UBR1: variants seen among roughly 807,000 people sequenced by gnomAD.
UBR1 encodes the protein ubiquitin protein ligase E3 component n-recognin 1, also known as E3 ubiquitin-protein ligase UBR1.
UBR1 carries 102 observed loss-of-function variants against 242.1 expected under a neutral mutation model. The ratio of observed to expected loss-of-function variants is 0.42; its 90% CI spans 0.36 to 0.50. The LOEUF (loss-of-function observed/expected upper bound fraction) is 0.50. UBR1 is among the 20% of genes least tolerant of loss of function. The probability of loss-of-function intolerance (pLI) is 0.01; values close to 1 mark genes in which losing one functional copy is unlikely to be tolerated. For missense variants in UBR1, 1,772 were observed against 2,101.8 expected, an observed-to-expected ratio of 0.84 and a Z score of 3.07; for synonymous variants, 675 against 684.8, an observed-to-expected ratio of 0.99 and a Z score of 0.22.
intron 14 of UBR1, among the ~76,000 whole-genome samples, chr15:43,044,508 T>TA (rs2033459375): frequency 1.3e-5 from 2 of 152,196 alleles, no homozygotes; most frequent in Non-Finnish European, 2.9e-5. Context: ...GTTTCTAATT[T>TA]AATCTTGAAA....
chr15:42,985,610 T>C (rs2032445742), intron 35 of UBR1, among the ~76,000 whole-genome samples: 1 of 151,962 alleles, frequency 6.6e-6, no homozygotes, highest in Non-Finnish European at 1.5e-5. Context: ...ACCTCAGCCT[T>C]CCAAAGTGCT....
At chr15:43,083,304 T>C (rs1273782725) in intron 2 of UBR1, among the ~76,000 whole-genome samples, 1 of 152,246 alleles carries the variant, frequency 6.6e-6, no homozygotes, top group Admixed American at 6.5e-5. Context: ...ACTTCTTAAA[T>C]GCATTGTTTT....
intron 6 of UBR1, among the ~76,000 whole-genome samples, chr15:43,062,891 T>C (rs1025160791): frequency 2.0e-5 from 3 of 151,994 alleles, no homozygotes; most frequent in Non-Finnish European, 4.4e-5. Flanking sequence ...TGGGCTGGCA[T>C]GTCTACTCTG....
intron 41 of UBR1, among the ~76,000 whole-genome samples, chr15:42,964,864 A>G (rs1218391473): frequency 1.3e-5 from 2 of 152,228 alleles, no homozygotes; most frequent in Admixed American, 1.3e-4. Context: ...ACAGAGAAGC[A>G]TTCTATGAAA....
intron 42 of UBR1, 116 bp downstream of exon 42, chr15:42,963,819 T>C (rs567039670): frequency 1.7e-4 from 129 of 775,752 alleles, no homozygotes; most frequent in Non-Finnish European, 2.4e-4. Context: ...GAATCTCCTA[T>C]ACTTTTGCCA....
chr15:43,046,531 T>C (rs766084522), intron 14 of UBR1, among the ~76,000 whole-genome samples: 1 of 152,080 alleles, frequency 6.6e-6, no homozygotes, highest in African/African-American at 2.4e-5. Context: ...GTAGAGTCAT[T>C]AGACTTAGAA....
intron 3 of UBR1, among the ~76,000 whole-genome samples, chr15:43,077,126 C>G (rs1247196453): frequency 7.2e-6 from 1 of 138,134 alleles, no homozygotes. Flanking sequence ...CCCCTCTGCC[C>G]GGCCACGACC....
At chr15:42,956,651 A>T (rs1407164259) in intron 44 of UBR1, among the ~76,000 whole-genome samples, 1 of 152,190 alleles carries the variant, frequency 6.6e-6, no homozygotes, top group East Asian at 1.9e-4. Context: ...GGAACTCTGG[A>T]GCCTGGTGAA....
intron 44 of UBR1, among the ~76,000 whole-genome samples, chr15:42,957,640 A>G (rs187593617): frequency 3.3e-5 from 5 of 152,294 alleles, no homozygotes; most frequent in East Asian, 1.9e-4. Flanking sequence ...TGGGAGGCCA[A>G]TGGGTAGGAG....
At chr15:42,973,073 C>T (rs1223460372) in intron 39 of UBR1, among the ~76,000 whole-genome samples, 1 of 152,198 alleles carries the variant, frequency 6.6e-6, no homozygotes, top group Non-Finnish European at 1.5e-5. Context: ...ATTGTTTTAA[C>T]TTGCAATTCC....
chr15:43,032,624 A>G lies in UBR1; in HGVS notation c.2198T>C (p.Ile733Thr). 6.6e-7 allele frequency: 1 copy of G among 1,514,272 alleles called. No homozygotes were observed. Among genetic ancestry groups the G allele is most frequent in the East Asian group, 2.3e-5 (1 of 43,976 alleles). The allele number at this position is 1,514,272 out of a possible 1,614,324, so 93.8% of individuals were successfully genotyped here. The change falls in exon 20 of 47, where the codon ATT becomes ACT. Residue 733 changes from isoleucine (I) to threonine (T), a missense_variant. Physicochemically the swap from Ile to Thr is moderately conservative, Grantham distance 89 (BLOSUM62 -1). Transcript: ENST00000290650. ...TTCTATTAGTGTATTATATTGTTTA[A>G]TCAAATCCTATAGAATCGAAAAAGA... ...KTISTKDQDL[I>T]KQYNTLIEEM...
intron 15 of UBR1, among the ~76,000 whole-genome samples, chr15:43,041,352 C>A (rs2033415116): frequency 6.6e-6 from 1 of 152,024 alleles, no homozygotes; most frequent in Non-Finnish European, 1.5e-5. Flanking sequence ...GACAAAAAAC[C>A]AAACACTGCA....
chr15:43,070,067 A>C (rs868214636), intron 5 of UBR1, among the ~76,000 whole-genome samples: 1 of 152,132 alleles, frequency 6.6e-6, no homozygotes, highest in Non-Finnish European at 1.5e-5. Context: ...TCAAAGAATG[A>C]CTATTTAGAT....
chr15:43,015,863 G>A lies in UBR1; in HGVS notation c.3034C>T (p.His1012Tyr), dbSNP rs2033016441. The change falls in exon 29 of 47, where the codon CAT (histidine) becomes TAT (tyrosine). Residue 1012 changes from histidine to tyrosine, a missense_variant. His to Tyr is a moderately conservative substitution (Grantham distance 83). Around this residue, in one of 3 missense-constraint regions of UBR1, gnomAD observed 965 missense variants for 1,079.7 expected, o/e 0.89. Transcript: ENST00000290650. ...TTTCGTTCTGCTTTTTCTTTATCATGAGTAATCTGGGTATTAAGAAATGAC... is the reference window on the plus strand; with the variant it reads ...TTTCGTTCTGCTTTTTCTTTATCATAAGTAATCTGGGTATTAAGAAATGAC... ...SESIKNDEIT[H>Y]DKEKAERKRK... is the part of the protein sequence containing the mutation. 3 of 1,613,616 alleles carry A rather than the reference G, an allele frequency of 1.9e-6. No individual in the cohort carries two copies. The highest frequency in any genetic ancestry group is 2.5e-6 in the Non-Finnish European group (3 of 1,179,944).
chr15:43,087,053 T>G (rs942235814), intron 1 of UBR1, among the ~76,000 whole-genome samples: 3 of 152,068 alleles, frequency 2.0e-5, no homozygotes, highest in African/African-American at 7.2e-5. Flanking sequence ...AAAACACATA[T>G]GACTCAAGGC....
chr15:42,984,281 C>T (rs1285995308), intron 36 of UBR1, among the ~76,000 whole-genome samples: 4 of 152,160 alleles, frequency 2.6e-5, no homozygotes, highest in Non-Finnish European at 5.9e-5. Flanking sequence ...ACACTGTGTA[C>T]CACAAGTCTT....
intron 15 of UBR1, among the ~76,000 whole-genome samples, chr15:43,041,082 C>A (rs1324012899): frequency 6.6e-6 from 1 of 152,196 alleles, no homozygotes; most frequent in Non-Finnish European, 1.5e-5. Flanking sequence ...ACCCAGCAAT[C>A]CCATTACTGG....
In UBR1 at chr15:42,959,867, C is replaced by T. The variant is rs116641086; in HGVS notation, c.4757+778G>A. 5.3e-3 allele frequency among the ~76,000 whole-genome samples: 805 copies of T among 152,222 alleles called. 9 individuals are homozygous for T. The highest frequency in any genetic ancestry group is 0.018 in the African/African-American group (766 of 41,526). ...CAGGGTGAGAGAAGATGAGAAAAGG[C>T]GGCAAATGTGCACTGTCTTGAAGTT... On this transcript the variant is annotated intron_variant, in intron 43 of 46. Coordinates refer to ENST00000290650, the MANE Select transcript of UBR1 (RefSeq NM_174916.3).
chr15:43,076,826 C>T (rs2033906989), intron 3 of UBR1, among the ~76,000 whole-genome samples: 1 of 115,206 alleles, frequency 8.7e-6, no homozygotes, highest in African/African-American at 3.1e-5. Context: ...AGGTGAGGGG[C>T]GCCTCTGCCC....
Sources: gnomAD v4.1 joint callset for allele counts (sites outside exome capture counted in the v4.1 genomes callset) on GRCh38, gnomAD v4.1.1 for gene constraint, gnomAD v4.1.1 regional missense constraint, MANE v1.5 for transcripts, NCBI Gene and HGNC (gene_info 2026-07-23, HGNC 2026-07-21) for gene names.